DSCAM: variants seen among roughly 807,000 people sequenced by gnomAD.
The protein encoded by DSCAM is DS cell adhesion molecule, also known as cell adhesion molecule DSCAM.
Under a neutral mutation model 217.7 loss-of-function variants are expected in DSCAM, and 47 were observed. That is an observed-to-expected ratio of 0.22 (90% confidence interval 0.17 to 0.28). The LOEUF (loss-of-function observed/expected upper bound fraction) is 0.28. Ranked by LOEUF, DSCAM falls within the 10% of genes least tolerant of loss-of-function variation. DSCAM has a pLI of 1.00. For synonymous variants in DSCAM, 1,056 were observed against 1,015.3 expected, an observed-to-expected ratio of 1.04 and a Z score of -0.76; for missense variants, 2,080 against 2,618.3, an observed-to-expected ratio of 0.79 and a Z score of 4.49.
At chr21:40,642,209 T>C (rs13051422) in intron 3 of DSCAM, among the ~76,000 whole-genome samples, 43,458 of 151,894 alleles carry the variant, frequency 0.29, 6,307 homozygotes, top group Middle Eastern at 0.39. Context: ...AACACAGAGA[T>C]GAAGACTTCA....
chr21:40,610,809 G>T (rs892027201), intron 3 of DSCAM, among the ~76,000 whole-genome samples: 13 of 152,140 alleles, frequency 8.5e-5, no homozygotes, highest in Admixed American at 2.6e-4. Flanking sequence ...GAAATGCACT[G>T]GCTTAGAGTT....
chr21:40,275,970 A>G, intron 11 of DSCAM, 127 bp downstream of exon 11: 4 of 987,732 alleles, frequency 4.0e-6, no homozygotes, highest in Non-Finnish European at 5.6e-6. Context: ...AAACCCAGCT[A>G]TATCACACCA....
In DSCAM at chr21:40,683,623, C is replaced by A. The variant is rs182206188; in HGVS notation, c.508+9187G>T. On this transcript the variant is annotated intron_variant, in intron 3 of 32. Transcript: ENST00000400454. ...CAGCTGATGAAAAGAGGTCCTAGAA[C>A]GCCGGAGCAGGTAAGGGGACCAGGA... Among the ~76,000 whole-genome samples the A allele has an allele frequency of 2.6e-5, 4 of 151,982 alleles. No homozygotes were observed. In the East Asian group the frequency reaches 7.7e-4, roughly 29 times the overall value.
chr21:40,114,844 CA>C (rs2089947757), intron 20 of DSCAM, among the ~76,000 whole-genome samples: 1 of 152,150 alleles, frequency 6.6e-6, no homozygotes, highest in South Asian at 2.1e-4. Flanking sequence ...TAGAGAAATG[CA>C]AATCAAAACC....
intron 1 of DSCAM, among the ~76,000 whole-genome samples, chr21:40,740,508 G>T (rs931939347): frequency 2.0e-5 from 3 of 152,208 alleles, no homozygotes; most frequent in African/African-American, 4.8e-5. Flanking sequence ...CTTCCATGGA[G>T]CATCAAGCCT....
intron 1 of DSCAM, among the ~76,000 whole-genome samples, chr21:40,819,281 T>C (rs1327638054): frequency 1.3e-5 from 2 of 152,222 alleles, no homozygotes; most frequent in African/African-American, 4.8e-5. Context: ...TTTACCGTAA[T>C]TGAACACAGA....
Position 40,124,356 on chromosome 21 carries a change from G to A in DSCAM, c.3563-28C>T, listed in dbSNP as rs749610901. ...GGAAGAGCCGTGTGTTTAGTCACAA[G>A]GTGGGGCCTCAACTTGGGCTTGCGG... On this transcript the variant is annotated intron_variant, in intron 19 of 32. Coordinates refer to ENST00000400454, the MANE Select transcript of DSCAM (RefSeq NM_001389.5). 5.0e-6 allele frequency: 8 copies of A among 1,612,256 alleles called. No homozygotes were observed. In the Admixed American group the frequency reaches 1.3e-4, roughly 27 times the overall value.
intron 11 of DSCAM, among the ~76,000 whole-genome samples, chr21:40,240,333 A>T (rs2073132622): frequency 7.7e-6 from 1 of 129,508 alleles, no homozygotes; most frequent in Non-Finnish European, 1.6e-5. Flanking sequence ...TAGCTACTGC[A>T]GTAGCTTCCT....
At chr21:40,165,125 G>A (rs1048713145) in intron 16 of DSCAM, among the ~76,000 whole-genome samples, 6 of 152,122 alleles carry the variant, frequency 3.9e-5, no homozygotes, top group African/African-American at 1.2e-4. Context: ...TATGTCCACC[G>A]TGGCTGACAG....
At chr21:40,106,905 T>TA (rs1361650566) in intron 20 of DSCAM, among the ~76,000 whole-genome samples, 2 of 151,178 alleles carry the variant, frequency 1.3e-5, no homozygotes, top group African/African-American at 2.5e-5. Flanking sequence ...ATTTTATTTT[T>TA]TTTTTCAAAA....
intron 3 of DSCAM, among the ~76,000 whole-genome samples, chr21:40,672,487 T>C (rs1326019659): frequency 6.6e-6 from 1 of 152,014 alleles, no homozygotes; most frequent in Non-Finnish European, 1.5e-5. Flanking sequence ...AAGTCTGACC[T>C]AGCATGAGTA....
chr21:40,411,171 TATATACAC>T (rs1284123417), intron 3 of DSCAM, among the ~76,000 whole-genome samples: 4 of 33,402 alleles, frequency 1.2e-4, no homozygotes, highest in African/African-American at 7.0e-4. Context: ...AGACAGTAAT[TATATACAC>T]ACACACACAC....
chr21:40,406,780 CTTG>C (rs1424744145), intron 3 of DSCAM, among the ~76,000 whole-genome samples: 2 of 151,962 alleles, frequency 1.3e-5, no homozygotes, highest in African/African-American at 2.4e-5. Context: ...TGTTCTTCTT[CTTG>C]TTGTTGTTAA....
chr21:40,582,313 T>G (rs548242731), intron 3 of DSCAM, among the ~76,000 whole-genome samples: 1 of 152,270 alleles, frequency 6.6e-6, no homozygotes, highest in East Asian at 1.9e-4. Context: ...AACACCTATA[T>G]CAAATATTTT....
chr21:40,788,620 G>A (rs767180184), intron 1 of DSCAM, among the ~76,000 whole-genome samples: 7 of 152,168 alleles, frequency 4.6e-5, no homozygotes, highest in Admixed American at 6.5e-5. Flanking sequence ...TGCAGTGATA[G>A]CTACTTTTGA....
intron 1 of DSCAM, among the ~76,000 whole-genome samples, chr21:40,712,448 C>T (rs1466086789): frequency 3.4e-5 from 4 of 118,488 alleles, no homozygotes; most frequent in Admixed American, 1.2e-4. Context: ...CCGACCTGGG[C>T]GACAGAGCGA....
At chr21:40,129,024 G>A (rs940837918) in intron 19 of DSCAM, among the ~76,000 whole-genome samples, 1 of 152,120 alleles carries the variant, frequency 6.6e-6, no homozygotes, top group Non-Finnish European at 1.5e-5. Context: ...ATGAATATCG[G>A]ACAAAAGTCT....
chr21:40,767,911 T>G (rs546014198), intron 1 of DSCAM, among the ~76,000 whole-genome samples: 1 of 152,186 alleles, frequency 6.6e-6, no homozygotes, highest in South Asian at 2.1e-4. Context: ...TGTGTGTGTG[T>G]GCGTGTGTGC....
At chr21:40,085,830 G>A in intron 22 of DSCAM, 65 bp from the exon 23 acceptor site, 1 of 1,341,958 alleles carries the variant, frequency 7.5e-7, no homozygotes, top group South Asian at 2.2e-5. Flanking sequence ...TGAGGTTGGG[G>A]AAAAACAGAA....
Sources: allele counts gnomAD v4.1 joint callset (sites outside exome capture counted in the v4.1 genomes callset), GRCh38; gene constraint gnomAD v4.1.1; transcripts MANE v1.5; gene names NCBI Gene and HGNC (gene_info 2026-07-23, HGNC 2026-07-21).